TRIM11: variants seen among roughly 807,000 people sequenced by gnomAD.
TRIM11 encodes the protein tripartite motif containing 11.
TRIM11 carries 15 observed loss-of-function variants against 33.4 expected under a neutral mutation model. The observed-to-expected ratio is 0.45, with a 90% CI of 0.30 to 0.69. The LOEUF is 0.69. Ranked by LOEUF, TRIM11 falls within the 30% of genes least tolerant of loss-of-function variation. The pLI, the probability that TRIM11 is intolerant of heterozygous loss-of-function variation, is 0.08. For synonymous variants in TRIM11, 281 were observed against 302.6 expected (o/e 0.93, Z 0.74); for missense variants, 499 against 667.6 (o/e 0.75, Z 2.78).
In TRIM11 at chr1:228,400,998, C is replaced by A. The variant is rs770229664; in HGVS notation, c.701G>T (p.Gly234Val). 2 of 1,595,612 alleles carry A rather than the reference C, an allele frequency of 1.3e-6. No homozygotes were observed. Among genetic ancestry groups the A allele is most frequent in the Non-Finnish European group, 8.5e-7 (1 of 1,169,800 alleles). ...HLAELIAELEGRCQLPALGLL... is the reference protein window; with the variant it reads ...HLAELIAELEVRCQLPALGLL... ...CCCCAGAGCAGGCAGCTGGCAGCGGCCCTCGAGCTCGGCGATGAGCTCAGC... is the reference window on the plus strand; with the variant it reads ...CCCCAGAGCAGGCAGCTGGCAGCGGACCTCGAGCTCGGCGATGAGCTCAGC... Residue 234 changes from glycine (G) to valine (V), a missense_variant, in exon 3 of 6, where the codon GGC becomes GTC. Gly to Val is a moderately radical substitution (Grantham distance 109). Coordinates refer to ENST00000284551, the MANE Select transcript of TRIM11 (RefSeq NM_145214.3). This position sits in a 1 kb window ranked among gnomAD's most constrained non-coding sequence, Gnocchi z 4.5.
chr1:228,404,398 C>A (rs1656330797), intron 1 of TRIM11: 1 of 152,310 alleles, frequency 6.6e-6, no homozygotes, highest in Non-Finnish European at 1.5e-5. Context: ...AGCTAATGGG[C>A]CCCAGCTCTG....
intron 3 of TRIM11, 78 bp from the exon 4 acceptor site, chr1:228,397,243 G>A: frequency 2.0e-6 from 3 of 1,526,266 alleles, no homozygotes; most frequent in Non-Finnish European, 2.7e-6. Flanking sequence ...CGCCCCTGGA[G>A]CCTCGCCCCG....
At position 228,401,167 on chromosome 1, in the gene TRIM11, C is replaced by T. The variant is rs1215946895; in HGVS notation, c.532G>A (p.Val178Met). ...QKMVESQRQN[V>M]LGEFERLRRL... ...CGAAGACGCTCGAACTCACCCAGCA[C>T]GTTCTGCCGCTGGCTCTCCACCATC... The change falls in exon 3 of 6, where the codon GTG becomes ATG. Residue 178 changes from valine to methionine, a missense_variant. Coordinates refer to ENST00000284551, the MANE Select transcript of TRIM11 (RefSeq NM_145214.3). This position sits in a 1 kb window ranked among gnomAD's most constrained non-coding sequence, Gnocchi z 6.1. 3.7e-6 allele frequency: 6 copies of T among 1,613,382 alleles called. No homozygotes were observed. The highest frequency in any genetic ancestry group is 2.2e-5 in the East Asian group (1 of 44,886).
rs11555960 is a variant in TRIM11 at position 228,400,979 on chromosome 1, A to G, written c.720T>C (p.Ala240=). 5.1e-6 allele frequency: 8 copies of G among 1,580,032 alleles called. No individual in the cohort carries two copies. Among genetic ancestry groups the G allele is most frequent in the Non-Finnish European group, 6.9e-6 (8 of 1,162,228 alleles). ...AELEGRCQLP[A]LGLLQDIKDA... is the part of the protein sequence containing the mutation. The stretch of plus-strand genomic sequence containing the variant: ...CCCAGCTCACCTGCAGCAGCCCCAG[A>G]GCAGGCAGCTGGCAGCGGCCCTCGA... The change falls in exon 3 of 6, where the codon GCT becomes GCC. Residue 240 remains alanine, a synonymous_variant. Transcript: ENST00000284551. The surrounding 1 kb of genome is among the most constrained non-coding windows in gnomAD (Gnocchi z 4.5).
rs1181890558 is a variant in TRIM11, at chr1:228,401,402, C to T, written c.505-208G>A. Among the ~76,000 whole-genome samples, 5 of 152,096 alleles carry T rather than the reference C, an allele frequency of 3.3e-5. No individual in the cohort carries two copies. The highest frequency in any genetic ancestry group is 1.2e-4 in the African/African-American group (5 of 41,390). ...CAGACCCCAAACCCACCTGTGGCAC[C>T]TCCCAAACCCCAAATCCACCACTCA... On this transcript the variant is annotated intron_variant, in intron 2 of 5. Coordinates refer to ENST00000284551, the MANE Select transcript of TRIM11 (RefSeq NM_145214.3). The surrounding 1 kb of genome is among the most constrained non-coding windows in gnomAD (Gnocchi z 6.1).
At position 228,406,585 on chromosome 1, in the gene TRIM11, C is replaced by T; in HGVS notation, c.-24G>A. 1.4e-6 allele frequency: 2 copies of T among 1,435,492 alleles called. No homozygotes were observed. The highest frequency in any genetic ancestry group is 2.7e-5 in the East Asian group (1 of 36,464). The allele number at this position is 1,435,492 out of a possible 1,614,324, so 88.9% of individuals were successfully genotyped here. Reference sequence around the variant, plus strand: ...ATGGCGCGGACAGAGGGGAGGAAGGCGGTACTGTCCGCGGGGCGGCGGCGG... The same window carrying T: ...ATGGCGCGGACAGAGGGGAGGAAGGTGGTACTGTCCGCGGGGCGGCGGCGG... On this transcript the variant is annotated 5_prime_UTR_variant, in exon 1 of 6. Transcript: ENST00000284551. The surrounding 1 kb of genome is among the most constrained non-coding windows in gnomAD (Gnocchi z 8.2).
At position 228,395,073 on chromosome 1, in the gene TRIM11, C is replaced by A; in HGVS notation, c.1039G>T (p.Glu347Ter). ...GCCCAGCTGGTGCGGTCCCCAACCTCCACCTCCCAGTAGTGGCGGCCTGAG... is the reference window on the plus strand; with the variant it reads ...GCCCAGCTGGTGCGGTCCCCAACCTACACCTCCCAGTAGTGGCGGCCTGAG... ...FTSGRHYWEV[E>*]VGDRTSWALG... Residue 347 changes from glutamate (E) to a stop codon, truncating the protein, a stop_gained, in exon 6 of 6, where the codon GAG becomes TAG. Coordinates refer to ENST00000284551, the MANE Select transcript of TRIM11 (RefSeq NM_145214.3). LOFTEE classifies it low-confidence loss of function (END_TRUNC). The surrounding 1 kb of genome is among the most constrained non-coding windows in gnomAD (Gnocchi z 4.8). The A allele has an allele frequency of 6.2e-7, 1 of 1,609,658 alleles. No homozygotes were observed.
intron 1 of TRIM11, 110 bp from the exon 2 acceptor site, chr1:228,402,271 A>C: frequency 1.4e-6 from 1 of 740,238 alleles, no homozygotes; most frequent in East Asian, 3.1e-5. Context: ...ACAAACTGAA[A>C]TCTGCCTGGT....
In TRIM11 at chr1:228,393,952, G is replaced by C. The variant is rs931399296; in HGVS notation, c.*753C>G. On this transcript the variant is annotated 3_prime_UTR_variant, in exon 6 of 6. Coordinates refer to ENST00000284551, the MANE Select transcript of TRIM11 (RefSeq NM_145214.3). Reference sequence around the variant, plus strand: ...GCCACTGGAGACCTAGGAAGCCTTTGCAAGGGCAAAACCCAATGGCAACAT... The same window carrying C: ...GCCACTGGAGACCTAGGAAGCCTTTCCAAGGGCAAAACCCAATGGCAACAT... 6.6e-6 allele frequency: 1 copy of C among 152,252 alleles called. No homozygotes were observed. Among genetic ancestry groups the C allele is most frequent in the Non-Finnish European group, 1.5e-5 (1 of 68,090 alleles). The allele number at this position is 152,252 out of a possible 1,614,324, so 9.4% of individuals were successfully genotyped here.
chr1:228,406,667 G>A lies in TRIM11; in HGVS notation c.-106C>T. On this transcript the variant is annotated 5_prime_UTR_variant, in exon 1 of 6. Coordinates refer to ENST00000284551, the MANE Select transcript of TRIM11 (RefSeq NM_145214.3). The surrounding 1 kb of genome is among the most constrained non-coding windows in gnomAD (Gnocchi z 8.2). ...ATCCGGGTGCGGCGGCGCAGGCTCG[G>A]GCACTCCGGGGCGCGAGGCTCGGGA... The A allele has an allele frequency of 2.7e-6, 3 of 1,131,446 alleles. No homozygotes were observed. Among genetic ancestry groups the A allele is most frequent in the African/African-American group, 1.6e-5 (1 of 61,042 alleles). The allele number at this position is 1,131,446 out of a possible 1,614,324, so 70.1% of individuals were successfully genotyped here. A position where few individuals can be genotyped will look rare whatever the true frequency, so the allele number is the denominator to read the frequency against.
rs532558695 is a variant in TRIM11 at position 228,400,832 on chromosome 1, C to T, written c.735+132G>A. 1.4e-5 allele frequency: 20 copies of T among 1,413,830 alleles called. No individual in the cohort carries two copies. The East Asian group carries it at 4.9e-4, about 35-fold the overall frequency. 87.6% of individuals were successfully genotyped at this position (1,413,830 alleles called of 1,614,324 possible). ...TTTCACAGGCAACAGCCAGGCACATCCAGCCATGCCATTCACCTCTCAGCC... is the reference window on the plus strand; with the variant it reads ...TTTCACAGGCAACAGCCAGGCACATTCAGCCATGCCATTCACCTCTCAGCC... On this transcript the variant is annotated intron_variant, in intron 3 of 5. Coordinates refer to ENST00000284551, the MANE Select transcript of TRIM11 (RefSeq NM_145214.3). This position sits in a 1 kb window ranked among gnomAD's most constrained non-coding sequence, Gnocchi z 4.5.
Position 228,394,864 on chromosome 1 carries a change from A to G in TRIM11, c.1248T>C (p.Ser416=). Residue 416 remains serine (S), a synonymous_variant, in exon 6 of 6, where the codon TCT becomes TCC. Transcript: ENST00000284551. The surrounding 1 kb of genome is among the most constrained non-coding windows in gnomAD (Gnocchi z 6.2). ...GTGACCCATCGGTGGCACTGTAGAAAGAGAGATGTCCAGCCTCGTAGTCCA... is the reference window on the plus strand; with the variant it reads ...GTGACCCATCGGTGGCACTGTAGAAGGAGAGATGTCCAGCCTCGTAGTCCA... ...IFLDYEAGHL[S]FYSATDGSLL... The G allele has an allele frequency of 6.2e-7, 1 of 1,614,090 alleles. No homozygotes were observed. Among genetic ancestry groups the G allele is most frequent in the South Asian group, 1.1e-5 (1 of 91,076 alleles).
In TRIM11 at chr1:228,401,229, G is replaced by A; in HGVS notation, c.505-35C>T. 2 of 1,599,006 alleles carry A rather than the reference G, an allele frequency of 1.3e-6. No homozygotes were observed. Among genetic ancestry groups the A allele is most frequent in the Non-Finnish European group, 1.7e-6 (2 of 1,171,286 alleles). The stretch of plus-strand genomic sequence containing the variant: ...CCAGGGAGAAGGACAGCTGAGGCCA[G>A]ACCCCAGGCCCAGCCAGACCCCAAG... On this transcript the variant is annotated intron_variant, in intron 2 of 5. Coordinates refer to ENST00000284551, the MANE Select transcript of TRIM11 (RefSeq NM_145214.3). This position sits in a 1 kb window ranked among gnomAD's most constrained non-coding sequence, Gnocchi z 6.1.
chr1:228,397,352 G>A, intron 3 of TRIM11, 187 bp from the exon 4 acceptor site: 1 of 664,278 alleles, frequency 1.5e-6, no homozygotes, highest in Non-Finnish European at 2.6e-6. Context: ...CTGGACAGAG[G>A]CTCTGACATG....
In TRIM11 at chr1:228,405,042, G is replaced by A. The variant is rs1451648446; in HGVS notation, c.408+1112C>T. ...GTGCTATCCCATGAAACTATATCGAGTCAACTCTATAGAGCTATTGGGCAC... is the reference window on the plus strand; with the variant it reads ...GTGCTATCCCATGAAACTATATCGAATCAACTCTATAGAGCTATTGGGCAC... On this transcript the variant is annotated intron_variant, in intron 1 of 5. Coordinates refer to ENST00000284551, the MANE Select transcript of TRIM11 (RefSeq NM_145214.3). The A allele has an allele frequency of 4.6e-5, 7 of 152,212 alleles. No homozygotes were observed. The East Asian group carries it at 1.3e-3, about 29-fold the overall frequency. 9.4% of individuals were successfully genotyped at this position (152,212 alleles called of 1,614,324 possible).
intron 5 of TRIM11, chr1:228,396,008 T>C (rs2149090079): frequency 6.5e-6 from 1 of 152,888 alleles, no homozygotes; most frequent in South Asian, 2.1e-4. Flanking sequence ...GATACAAGAC[T>C]CAGATTTGGG....
rs1656229711 is a variant in TRIM11 at position 228,401,652 on chromosome 1, C to CA, written c.504+413dup. Among the ~76,000 whole-genome samples, 4 of 152,026 alleles carry CA rather than the reference C, an allele frequency of 2.6e-5. No individual in the cohort carries two copies. The South Asian group carries it at 8.3e-4, about 32-fold the overall frequency. On this transcript the variant is annotated intron_variant, in intron 2 of 5. Transcript: ENST00000284551. The surrounding 1 kb of genome is among the most constrained non-coding windows in gnomAD (Gnocchi z 6.1). ...TTCTCCCCTGGGGCTTCCCAGATCC[C>CA]AAATCCACCACCCAGAGCCTCCCAG...
rs577653971 is a variant in TRIM11, at chr1:228,399,281, G to T, written c.735+1683C>A. On this transcript the variant is annotated intron_variant, in intron 3 of 5. Coordinates refer to ENST00000284551, the MANE Select transcript of TRIM11 (RefSeq NM_145214.3). ...GAGGCTGCTCTCCTGCAACCCCCAT[G>T]TGGGCAGACCCCCACAGCATGCAGG... is the stretch of plus-strand genomic sequence containing the variant. Among the ~76,000 whole-genome samples, 4 of 152,278 alleles carry T rather than the reference G, an allele frequency of 2.6e-5. No individual in the cohort carries two copies. The South Asian group carries it at 6.2e-4, about 24-fold the overall frequency.
In TRIM11 at chr1:228,406,149, A is replaced by G; in HGVS notation, c.408+5T>C. On this transcript the variant is annotated splice_donor_5th_base_variant and intron_variant, in intron 1 of 5. Coordinates refer to ENST00000284551, the MANE Select transcript of TRIM11 (RefSeq NM_145214.3). This position sits in a 1 kb window ranked among gnomAD's most constrained non-coding sequence, Gnocchi z 8.2. Reference sequence around the variant, plus strand: ...CCCCTGCACGCCACCCCCGCCCAGGAGCACCTTGAGGTCTTCGGCCGCGTC... The same window carrying G: ...CCCCTGCACGCCACCCCCGCCCAGGGGCACCTTGAGGTCTTCGGCCGCGTC... 7.3e-7 allele frequency: 1 copy of G among 1,369,900 alleles called. No individual in the cohort carries two copies. Among genetic ancestry groups the G allele is most frequent in the Non-Finnish European group, 9.4e-7 (1 of 1,067,306 alleles). 84.9% of individuals were successfully genotyped at this position (1,369,900 alleles called of 1,614,324 possible).
Sources: gnomAD v4.1 joint callset for allele counts (sites outside exome capture counted in the v4.1 genomes callset) on GRCh38, gnomAD v4.1.1 for gene constraint, Gnocchi (gnomAD v3.1) non-coding constraint, MANE v1.5 for transcripts, NCBI Gene and HGNC (gene_info 2026-07-23, HGNC 2026-07-21) for gene names.